SPDYA: variants seen among roughly 807,000 people sequenced by gnomAD.
SPDYA encodes the protein speedy/RINGO cell cycle regulator family member A, also known as speedy protein A.
Under a neutral mutation model 36.7 loss-of-function variants are expected in SPDYA, and 11 were observed. The ratio of observed to expected loss-of-function variants is 0.30; its 90% CI spans 0.19 to 0.50. The LOEUF (loss-of-function observed/expected upper bound fraction) is 0.50, where lower values mean the gene tolerates loss of function less well. Among genes scored for constraint, SPDYA ranks in the 20% least tolerant of loss-of-function variants. SPDYA has a pLI of 0.98. For synonymous variants in SPDYA, 115 were observed against 118.7 expected (o/e 0.97, Z 0.20); for missense variants, 287 against 370.9 (o/e 0.77, Z 1.86).
chr2:28,830,106 T>C (rs1668443025), intron 6 of SPDYA, among the ~76,000 whole-genome samples: 1 of 151,546 alleles, frequency 6.6e-6, no homozygotes. Context: ...GCCACTGTAC[T>C]CCAGCCTGGG....
intron 7 of SPDYA, among the ~76,000 whole-genome samples, chr2:28,845,862 C>A (rs547655293): frequency 1.3e-4 from 20 of 152,054 alleles, no homozygotes; most frequent in Non-Finnish European, 2.2e-4. Flanking sequence ...TCATTTTCTA[C>A]GATTAATCAC....
chr2:28,846,478 T>C (rs1287438691), intron 7 of SPDYA, among the ~76,000 whole-genome samples: 1 of 152,056 alleles, frequency 6.6e-6, no homozygotes, highest in Non-Finnish European at 1.5e-5. Context: ...GACTATTTAC[T>C]GGGTATAAAA....
At chr2:28,832,520 G>C (rs6725033) in intron 6 of SPDYA, among the ~76,000 whole-genome samples, 137,577 of 152,182 alleles carry the variant, frequency 0.9, 62,228 homozygotes, top group Non-Finnish European at 0.93. Flanking sequence ...ATCTGCATAC[G>C]AAATCGCCTG....
chr2:28,819,685 A>G (rs1668082945), intron 4 of SPDYA, among the ~76,000 whole-genome samples: 1 of 151,094 alleles, frequency 6.6e-6, no homozygotes. Flanking sequence ...TTTGTATTTG[A>G]TTGAAAACAG....
chr2:28,849,086 A>T (rs181719526), intron 7 of SPDYA, among the ~76,000 whole-genome samples: 71 of 152,104 alleles, frequency 4.7e-4, no homozygotes, highest in African/African-American at 1.7e-3. Context: ...CCTATAAAAC[A>T]TCTATATTTA....
chr2:28,825,183 G>T (rs1668287283), intron 5 of SPDYA, among the ~76,000 whole-genome samples: 1 of 151,756 alleles, frequency 6.6e-6, no homozygotes, highest in Non-Finnish European at 1.5e-5. Context: ...AAGTTAAATT[G>T]CTGTTTATAT....
At chr2:28,828,555 G>A (rs1355944802) in intron 5 of SPDYA, among the ~76,000 whole-genome samples, 1 of 152,178 alleles carries the variant, frequency 6.6e-6, no homozygotes, top group Non-Finnish European at 1.5e-5. Flanking sequence ...TCAGTTTGGG[G>A]TTGATTTTGA....
At chr2:28,833,799 T>C in intron 6 of SPDYA, among the ~76,000 whole-genome samples, 1 of 152,074 alleles carries the variant, frequency 6.6e-6, no homozygotes, top group Non-Finnish European at 1.5e-5. Flanking sequence ...CTTCGTGACC[T>C]TGAATTAGGT....
At chr2:28,840,525 A>C in intron 7 of SPDYA, 56 bp downstream of exon 7, 1 of 1,572,012 alleles carries the variant, frequency 6.4e-7, no homozygotes, top group Non-Finnish European at 8.6e-7. Flanking sequence ...ACTGAGCTCT[A>C]GTCAGTCCTT....
intron 5 of SPDYA, among the ~76,000 whole-genome samples, chr2:28,826,157 G>A (rs1668311374): frequency 6.6e-6 from 1 of 151,656 alleles, no homozygotes; most frequent in Non-Finnish European, 1.5e-5. Context: ...TGTTTTTTGA[G>A]ATGGAGTCTT....
intron 7 of SPDYA, among the ~76,000 whole-genome samples, chr2:28,847,842 T>C (rs933212649): frequency 1.3e-5 from 2 of 152,086 alleles, no homozygotes; most frequent in African/African-American, 4.8e-5. Flanking sequence ...ACTGACATCA[T>C]AGACCTGTAC....
chr2:28,829,400 A>C, intron 6 of SPDYA, 81 bp downstream of exon 6: 2 of 1,362,258 alleles, frequency 1.5e-6, no homozygotes, highest in Non-Finnish European at 2.0e-6. Context: ...TGTGCTTCTA[A>C]TGTTTTGGTA....
In SPDYA at chr2:28,811,410, C is replaced by A. The variant is rs1045717796; in HGVS notation, c.-93+463C>A. On this transcript the variant is annotated intron_variant, in intron 1 of 7. Transcript: ENST00000334056. This position sits in a 1 kb window ranked among gnomAD's most constrained non-coding sequence, Gnocchi z 4.2. ...TTTGATAAATCCTACCTCCTTATGT[C>A]CCATTAAACACCTCTTTTTGTCCCC... Among the ~76,000 whole-genome samples the A allele has an allele frequency of 2.6e-5, 4 of 152,130 alleles. No individual in the cohort carries two copies. Among genetic ancestry groups the A allele is most frequent in the Admixed American group, 2.0e-4 (3 of 15,272 alleles).
At chr2:28,843,708 G>A (rs1057241439) in intron 7 of SPDYA, among the ~76,000 whole-genome samples, 3 of 151,922 alleles carry the variant, frequency 2.0e-5, no homozygotes, top group African/African-American at 4.8e-5. Context: ...AAATCTTGAA[G>A]TGGCATTATT....
At position 28,821,206 on chromosome 2, in the gene SPDYA, T is replaced by C. The variant is rs1409953193; in HGVS notation, c.295-1119T>C. On this transcript the variant is annotated intron_variant, in intron 4 of 7. Transcript: ENST00000334056. ...TTTTTTTTTTCTTTTTCTTTTTTTT[T>C]TTTTTTTTTTTGAGATGGAGTCTCA... Among the ~76,000 whole-genome samples the C allele has an allele frequency of 2.8e-5, 4 of 141,110 alleles. No homozygotes were observed. In the Admixed American group the frequency reaches 2.8e-4, roughly 10 times the overall value. The allele number at this position is 141,110 out of a possible 152,430, so 92.6% of individuals were successfully genotyped here. A position where few individuals can be genotyped will look rare whatever the true frequency, so the allele number is the denominator to read the frequency against.
chr2:28,838,178 A>ATTTT (rs61135451), intron 6 of SPDYA, among the ~76,000 whole-genome samples: 9 of 115,586 alleles, frequency 7.8e-5, no homozygotes, highest in African/African-American at 3.0e-4. Context: ...GAAGTAACGG[A>ATTTT]TTTTTTTTTT....
chr2:28,819,852 ATATATATATATATATATAT>A lies in SPDYA; in HGVS notation c.294+747_294+765del, dbSNP rs1668107970. On this transcript the variant is annotated intron_variant, in intron 4 of 7. Transcript: ENST00000334056. ...AAAAAAAAAAAAAAAAAAAAAAAAT[ATATATATATATATATATAT>A]ATATATATATATATATATATATATA... Among the ~76,000 whole-genome samples the A allele has an allele frequency of 1.4e-3, 8 of 5,846 alleles. 1 individual carries two copies. Among genetic ancestry groups the A allele is most frequent in the Non-Finnish European group, 1.1e-3 (4 of 3,686 alleles). The allele number at this position is 5,846 out of a possible 152,430, so 3.8% of individuals were successfully genotyped here.
chr2:28,826,990 C>T (rs1668344226), intron 5 of SPDYA, among the ~76,000 whole-genome samples: 1 of 138,568 alleles, frequency 7.2e-6, no homozygotes, highest in Non-Finnish European at 1.5e-5. Context: ...CTCGCTCTGT[C>T]GCCCAAGCTG....
intron 7 of SPDYA, among the ~76,000 whole-genome samples, chr2:28,848,332 CAT>C (rs1383439153): frequency 2.0e-5 from 3 of 152,214 alleles, no homozygotes; most frequent in African/African-American, 7.2e-5. Context: ...CCTTCACGGG[CAT>C]ATGAGAACTT....
Sources: allele counts gnomAD v4.1 joint callset (sites outside exome capture counted in the v4.1 genomes callset), GRCh38; gene constraint gnomAD v4.1.1; non-coding constraint Gnocchi (gnomAD v3.1); transcripts MANE v1.5; gene names NCBI Gene and HGNC (gene_info 2026-07-23, HGNC 2026-07-21).